Variants in CFAP54 observed in about 807,000 individuals in gnomAD.
The protein encoded by CFAP54 is cilia- and flagella-associated protein 54.
In CFAP54, 290 loss-of-function variants were observed where a neutral mutation model predicts 370.4. The observed-to-expected ratio is 0.78, with a 90% confidence interval of 0.71 to 0.86. The LOEUF is 0.86. CFAP54 is among the 40% of genes least tolerant of loss of function. The pLI, the probability that CFAP54 is intolerant of heterozygous loss-of-function variation, is 0.00. For synonymous variants in CFAP54, 1,206 were observed against 1,236.5 expected, an observed-to-expected ratio of 0.98 and a Z score of 0.52; for missense variants, 3,399 against 3,528.7, an observed-to-expected ratio of 0.96 and a Z score of 0.93.
At chr12:96,591,378 C>G (rs1310713809) in intron 23 of CFAP54, among the ~76,000 whole-genome samples, 1 of 152,022 alleles carries the variant, frequency 6.6e-6, no homozygotes, top group Non-Finnish European at 1.5e-5. Flanking sequence ...TCCTAACAAG[C>G]AAAGACCACT....
rs190661167 is a variant in CFAP54, at chr12:96,843,365, C to A, written c.9171+14277C>A. ...CCCAGTTATAAGGTTGCCAGTAATA[C>A]CATTTCTTGCTATAACTTTGCTGCT... On this transcript the variant is annotated intron_variant, in intron 66 of 67. Transcript: ENST00000524981. Among the ~76,000 whole-genome samples, 12 of 152,252 alleles carry A rather than the reference C, an allele frequency of 7.9e-5. No homozygotes were observed. In the East Asian group the frequency reaches 2.3e-3, roughly 29 times the overall value.
At chr12:96,859,235 T>TACCATATAC (rs912689574) in intron 66 of CFAP54, among the ~76,000 whole-genome samples, 1 of 152,164 alleles carries the variant, frequency 6.6e-6, no homozygotes, top group African/African-American at 2.4e-5. Context: ...CCCTTATTTA[T>TACCATATAC]ACCATATACA....
At chr12:96,792,303 A>G (rs1958708201) in intron 62 of CFAP54, 26 bp from the exon 63 acceptor site, 18 of 1,461,108 alleles carry the variant, frequency 1.2e-5, no homozygotes, top group South Asian at 2.8e-5. Context: ...CCAGTAATTA[A>G]ACTGATGTTT....
intron 64 of CFAP54, among the ~76,000 whole-genome samples, chr12:96,812,449 CTGT>C (rs1958937062): frequency 6.6e-6 from 1 of 152,100 alleles, no homozygotes; most frequent in Admixed American, 6.6e-5. Flanking sequence ...ACCAATTTCC[CTGT>C]TGTTGTTTTT....
At chr12:96,757,452 C>T in intron 57 of CFAP54, 43 bp from the exon 58 acceptor site, 1 of 1,114,166 alleles carries the variant, frequency 9.0e-7, no homozygotes, top group Non-Finnish European at 1.3e-6. Context: ...AATGATTATG[C>T]ATGGTGAAGC....
intron 62 of CFAP54, among the ~76,000 whole-genome samples, chr12:96,790,919 C>T (rs980943485): frequency 4.6e-5 from 7 of 152,036 alleles, no homozygotes; most frequent in African/African-American, 1.4e-4. Flanking sequence ...TTTTTATTTC[C>T]GTTTTTATTT....
At chr12:96,634,381 A>G (rs1210072039) in intron 32 of CFAP54, among the ~76,000 whole-genome samples, 1 of 151,982 alleles carries the variant, frequency 6.6e-6, no homozygotes, top group Admixed American at 6.6e-5. Context: ...CTTACTTGCC[A>G]TCTGTATATC....
At chr12:96,761,249 C>T (rs1250486837) in intron 58 of CFAP54, among the ~76,000 whole-genome samples, 1 of 149,718 alleles carries the variant, frequency 6.7e-6, no homozygotes, top group Admixed American at 6.6e-5. Context: ...TGCTTATTGG[C>T]CATTTGTGTA....
At chr12:96,519,861 T>A (rs751418141) in intron 6 of CFAP54, among the ~76,000 whole-genome samples, 10 of 152,230 alleles carry the variant, frequency 6.6e-5, no homozygotes, top group Non-Finnish European at 1.0e-4. Context: ...TGCTGTGCAA[T>A]AGATCTCAAA....
At chr12:96,549,014 C>T (rs902055688) in intron 15 of CFAP54, among the ~76,000 whole-genome samples, 1 of 152,138 alleles carries the variant, frequency 6.6e-6, no homozygotes, top group Non-Finnish European at 1.5e-5. Context: ...GCCACCACAC[C>T]CAGCTAATTT....
At chr12:96,641,218 A>G (rs536896361) in intron 32 of CFAP54, among the ~76,000 whole-genome samples, 6 of 152,350 alleles carry the variant, frequency 3.9e-5, no homozygotes, top group East Asian at 3.9e-4. Context: ...AATGAACTCA[A>G]ACAAATTTAC....
chr12:96,842,178 A>AAT (rs1447024764), intron 66 of CFAP54, among the ~76,000 whole-genome samples: 1 of 152,176 alleles, frequency 6.6e-6, no homozygotes, highest in African/African-American at 2.4e-5. Flanking sequence ...TGTGGCAGAT[A>AAT]ATATATATAT....
rs1330897727 is a variant in CFAP54 at position 96,564,624 on chromosome 12, T to G, written c.2498-20T>G. 4 of 650,340 alleles carry G rather than the reference T, an allele frequency of 6.2e-6. No homozygotes were observed. The East Asian group carries it at 1.1e-4, about 18-fold the overall frequency. 40.3% of individuals were successfully genotyped at this position (650,340 alleles called of 1,614,324 possible). On this transcript the variant is annotated intron_variant, in intron 18 of 67. Transcript: ENST00000524981. ...ATAGTTTTTAATCTCACCTTTTTGG[T>G]AAAATGTTTGTTTTTATAGAATTAA... is the stretch of plus-strand genomic sequence containing the variant.
rs191638404 is a variant in CFAP54, at chr12:96,576,698, C to A, written c.2733C>A (p.Ile911=). Residue 911 remains isoleucine, a synonymous_variant, in exon 20 of 68, where the codon ATC becomes ATA. Coordinates refer to ENST00000524981, the MANE Select transcript of CFAP54 (RefSeq NM_001306084.2). ...RKKSRVPPPP[I]LLSRTHCSVT... is the part of the protein sequence containing the mutation. ...AAAGCAGAGTCCCCCCTCCACCTAT[C>A]CTGCTGTCTCGAACTCATTGTTCTG... The A allele has an allele frequency of 1.8e-5, 27 of 1,535,962 alleles. No individual in the cohort carries two copies. The African/African-American group carries it at 3.3e-4, about 19-fold the overall frequency.
At chr12:96,494,564 G>A (rs549802024) in intron 1 of CFAP54, among the ~76,000 whole-genome samples, 1 of 152,072 alleles carries the variant, frequency 6.6e-6, no homozygotes, top group South Asian at 2.1e-4. Context: ...GCCTCCCAAA[G>A]TGCTGGGATT....
intron 38 of CFAP54, among the ~76,000 whole-genome samples, chr12:96,660,835 A>G (rs564758301): frequency 6.6e-6 from 1 of 152,180 alleles, no homozygotes; most frequent in African/African-American, 2.4e-5. Context: ...ACAGGTGACA[A>G]ATTAGGGTTC....
intron 27 of CFAP54, among the ~76,000 whole-genome samples, chr12:96,622,107 A>T (rs1956502825): frequency 6.6e-6 from 1 of 151,860 alleles, no homozygotes. Flanking sequence ...AATACATGTC[A>T]GAGTTTTTTT....
intron 50 of CFAP54, among the ~76,000 whole-genome samples, chr12:96,722,725 T>C (rs1284849871): frequency 6.6e-6 from 1 of 152,160 alleles, no homozygotes; most frequent in African/African-American, 2.4e-5. Context: ...AGGAGGCTAT[T>C]ATAATAACAG....
chr12:96,504,873 A>G (rs1955074537), intron 3 of CFAP54, among the ~76,000 whole-genome samples: 1 of 152,084 alleles, frequency 6.6e-6, no homozygotes, highest in Non-Finnish European at 1.5e-5. Flanking sequence ...CCCTTTTTGT[A>G]GCCTTGACCC....
Sources: gnomAD v4.1 joint callset for allele counts (sites outside exome capture counted in the v4.1 genomes callset) on GRCh38, gnomAD v4.1.1 for gene constraint, MANE v1.5 for transcripts, NCBI Gene and HGNC (gene_info 2026-07-23, HGNC 2026-07-21) for gene names.